The following PTPRD variants were observed in gnomAD, a reference collection of about 807,000 sequenced individuals.
PTPRD encodes protein tyrosine phosphatase receptor type D, also known as receptor-type tyrosine-protein phosphatase delta.
In PTPRD, 34 loss-of-function variants were observed where a neutral mutation model predicts 214.5. The observed-to-expected ratio is 0.16, with a 90% CI of 0.12 to 0.21. The LOEUF (loss-of-function observed/expected upper bound fraction) is 0.21. Among genes scored for constraint, PTPRD ranks in the 10% least tolerant of loss-of-function variants. PTPRD has a pLI of 1.00. For synonymous variants in PTPRD, 1,128 were observed against 845.7 expected, an observed-to-expected ratio of 1.33 and a Z score of -5.79; for missense variants, 2,545 against 2,398.7, an observed-to-expected ratio of 1.06 and a Z score of -1.27.
intron 11 of PTPRD, among the ~76,000 whole-genome samples, chr9:8,777,717 A>G (rs1897790): frequency 4.0e-5 from 6 of 148,956 alleles, no homozygotes; most frequent in African/African-American, 1.6e-4. Context: ...CTGGTCATAT[A>G]TTAAATTGAA....
At chr9:10,221,869 A>G (rs942961289) in intron 3 of PTPRD, among the ~76,000 whole-genome samples, 1 of 151,980 alleles carries the variant, frequency 6.6e-6, no homozygotes, top group African/African-American at 2.4e-5. Context: ...AGTAGACCAT[A>G]AATGCTTTGT....
At chr9:9,977,749 A>G (rs1275470917) in intron 4 of PTPRD, among the ~76,000 whole-genome samples, 3 of 152,146 alleles carry the variant, frequency 2.0e-5, no homozygotes, top group African/African-American at 7.2e-5. Flanking sequence ...TTATTTAAAG[A>G]GAAAAGTAAG....
intron 11 of PTPRD, among the ~76,000 whole-genome samples, chr9:8,948,691 G>C (rs550228298): frequency 6.2e-5 from 9 of 145,688 alleles, no homozygotes; most frequent in Non-Finnish European, 1.2e-4. Context: ...TATAAAATAT[G>C]ATATCTTTTA....
intron 5 of PTPRD, among the ~76,000 whole-genome samples, chr9:9,898,237 T>A (rs907494149): frequency 6.6e-6 from 1 of 152,024 alleles, no homozygotes; most frequent in East Asian, 1.9e-4. Flanking sequence ...ATGCGTCAAT[T>A]AAAATTTCAG....
chr9:10,173,545 T>A (rs2099225499), intron 3 of PTPRD, among the ~76,000 whole-genome samples: 1 of 152,266 alleles, frequency 6.6e-6, no homozygotes, highest in African/African-American at 2.4e-5. Flanking sequence ...GATTGACCAA[T>A]GTTGTTATTT....
Position 8,463,730 on chromosome 9 carries a change from A to G in PTPRD, c.3714+1736T>C, listed in dbSNP as rs2096479661. On this transcript the variant is annotated intron_variant, in intron 32 of 45. Coordinates refer to ENST00000381196, the MANE Select transcript of PTPRD (RefSeq NM_002839.4). Reference sequence around the variant, plus strand: ...GATAATTCCAAACCAGTTATCTGACATTCTTAATATGAGACAAAGGATTAG... The same window carrying G: ...GATAATTCCAAACCAGTTATCTGACGTTCTTAATATGAGACAAAGGATTAG... 2.0e-5 allele frequency among the ~76,000 whole-genome samples: 3 copies of G among 151,976 alleles called. No individual in the cohort carries two copies. In the South Asian group the frequency reaches 6.2e-4, roughly 31 times the overall value.
intron 21 of PTPRD, among the ~76,000 whole-genome samples, chr9:8,511,762 C>G (rs1385534459): frequency 2.0e-5 from 3 of 151,992 alleles, no homozygotes; most frequent in Non-Finnish European, 4.4e-5. Context: ...AAAAGTATGT[C>G]CGCCCTCTTG....
intron 35 of PTPRD, among the ~76,000 whole-genome samples, chr9:8,415,387 C>A: frequency 6.6e-6 from 1 of 152,040 alleles, no homozygotes; most frequent in African/African-American, 2.4e-5. Context: ...GATATGTATT[C>A]AATTATGATC....
chr9:10,453,946 CT>C (rs1489592306), intron 2 of PTPRD, among the ~76,000 whole-genome samples: 1 of 151,472 alleles, frequency 6.6e-6, no homozygotes, highest in East Asian at 1.9e-4. Context: ...CATATATGGC[CT>C]TTATCATGTT....
Position 10,463,580 on chromosome 9 carries a change from A to G in PTPRD, c.-599-122563T>C, listed in dbSNP as rs555630707. ...TTGAATTCACAATGACCTCAGTACA[A>G]TTGTTAAGGAAATAGTCTTAAATTT... On this transcript the variant is annotated intron_variant, in intron 2 of 45. Transcript: ENST00000381196. Among the ~76,000 whole-genome samples, 32 of 152,306 alleles carry G rather than the reference A, an allele frequency of 2.1e-4. No homozygotes were observed. The South Asian group carries it at 4.3e-3, about 21-fold the overall frequency.
chr9:9,499,717 T>G (rs770230631), intron 8 of PTPRD, among the ~76,000 whole-genome samples: 1 of 152,060 alleles, frequency 6.6e-6, no homozygotes, highest in African/African-American at 2.4e-5. Flanking sequence ...TAATGCTGAA[T>G]GAATACTTAA....
At chr9:9,830,230 T>G (rs2054356313) in intron 5 of PTPRD, among the ~76,000 whole-genome samples, 1 of 151,858 alleles carries the variant, frequency 6.6e-6, no homozygotes, top group Non-Finnish European at 1.5e-5. Context: ...TTATTACTAC[T>G]GATAGAGTAT....
At chr9:8,641,596 T>C (rs1468824886) in intron 12 of PTPRD, among the ~76,000 whole-genome samples, 1 of 133,772 alleles carries the variant, frequency 7.5e-6, no homozygotes, top group African/African-American at 4.0e-5. Context: ...TACGCATGCA[T>C]ATGCGTCACA....
rs530970991 is a variant in PTPRD at position 9,295,623 on chromosome 9, GA to G, written c.-203+101825del. 2.6e-5 allele frequency among the ~76,000 whole-genome samples: 4 copies of G among 151,704 alleles called. No homozygotes were observed. In the South Asian group the frequency reaches 6.2e-4, roughly 24 times the overall value. Reference sequence around the variant, plus strand: ...CTTTTTCTTGGATCCTTCTGAAGGGGAAAAAATGACTTTTCTCTCAAAAGTA... The same window carrying G: ...CTTTTTCTTGGATCCTTCTGAAGGGGAAAAATGACTTTTCTCTCAAAAGTA... On this transcript the variant is annotated intron_variant, in intron 9 of 45. Transcript: ENST00000381196.
At chr9:9,621,663 G>C (rs2095244532) in intron 7 of PTPRD, among the ~76,000 whole-genome samples, 1 of 152,128 alleles carries the variant, frequency 6.6e-6, no homozygotes, top group Non-Finnish European at 1.5e-5. Flanking sequence ...CTTTGAAAAA[G>C]AAGACTATAA....
chr9:9,223,049 A>G (rs2099957189), intron 9 of PTPRD, among the ~76,000 whole-genome samples: 1 of 152,038 alleles, frequency 6.6e-6, no homozygotes, highest in African/African-American at 2.4e-5. Context: ...TCTGAACTAC[A>G]ATGGAAAGGT....
chr9:9,058,212 C>T (rs1044074759), intron 10 of PTPRD, among the ~76,000 whole-genome samples: 3 of 151,928 alleles, frequency 2.0e-5, no homozygotes, highest in African/African-American at 4.8e-5. Flanking sequence ...GCAACACAGC[C>T]TATGATGGAG....
At chr9:8,321,282 C>G (rs1243667297) in intron 44 of PTPRD, among the ~76,000 whole-genome samples, 1 of 151,550 alleles carries the variant, frequency 6.6e-6, no homozygotes, top group African/African-American at 2.4e-5. Context: ...GATTTGATAG[C>G]TCGAATGCAA....
At chr9:8,946,299 AT>A (rs1339108240) in intron 11 of PTPRD, among the ~76,000 whole-genome samples, 22 of 152,210 alleles carry the variant, frequency 1.4e-4, no homozygotes, top group African/African-American at 5.1e-4. Context: ...GATAAAATTA[AT>A]CAAAAGTCTT....
Sources: gnomAD v4.1 joint callset for allele counts (sites outside exome capture counted in the v4.1 genomes callset) on GRCh38, gnomAD v4.1.1 for gene constraint, MANE v1.5 for transcripts, NCBI Gene and HGNC (gene_info 2026-07-23, HGNC 2026-07-21) for gene names.